The following ADGRL2 variants were observed in gnomAD, a reference collection of about 807,000 sequenced individuals.
ADGRL2 encodes the protein calcium-independent alpha-latrotoxin receptor 2.
A neutral mutation model predicts 157.4 loss-of-function variants in ADGRL2; 44 were observed. The observed-to-expected ratio is 0.28, with a 90% CI of 0.22 to 0.36. The LOEUF (loss-of-function observed/expected upper bound fraction) is 0.36, where lower values mean the gene tolerates loss of function less well. Among genes scored for constraint, ADGRL2 ranks in the 10% least tolerant of loss-of-function variants. The pLI, the probability that ADGRL2 is intolerant of heterozygous loss-of-function variation, is 1.00. For synonymous variants in ADGRL2, 585 were observed against 624.7 expected, an observed-to-expected ratio of 0.94 and a Z score of 0.95; for missense variants, 1,510 against 1,768.9, an observed-to-expected ratio of 0.85 and a Z score of 2.63.
Position 81,420,319 on chromosome 1 carries a change from G to A in ADGRL2, c.-301-24717G>A, listed in dbSNP as rs147523638. ...CTTTTACACTTTAGTTTTCTGAAAG[G>A]CTTGTTTTTGTTTTAAGTAGTTCAT... On this transcript the variant is annotated intron_variant, in intron 1 of 24. Coordinates refer to the ADGRL2 transcript ENST00000370721. Among the ~76,000 whole-genome samples, 4 of 152,180 alleles carry A rather than the reference G, an allele frequency of 2.6e-5. No individual in the cohort carries two copies. The East Asian group carries it at 5.8e-4, about 22-fold the overall frequency.
chr1:81,551,214 C>A (rs1034440365), intron 2 of ADGRL2, among the ~76,000 whole-genome samples: 3 of 152,116 alleles, frequency 2.0e-5, no homozygotes, highest in African/African-American at 4.8e-5. Flanking sequence ...ATGGGGCACA[C>A]AGTAATGTTG....
intron 1 of ADGRL2, among the ~76,000 whole-genome samples, chr1:81,335,094 A>T (rs1465006991): frequency 6.6e-6 from 1 of 152,202 alleles, no homozygotes; most frequent in African/African-American, 2.4e-5. Flanking sequence ...GGTTGTATCT[A>T]TGAAAAAGCC....
At chr1:81,656,222 C>T (rs1391280021) in intron 3 of ADGRL2, among the ~76,000 whole-genome samples, 1 of 152,182 alleles carries the variant, frequency 6.6e-6, no homozygotes, top group African/African-American at 2.4e-5. Flanking sequence ...GGTCCTTGTG[C>T]TCAGCACTTT....
chr1:81,564,412 C>A (rs1447548830), intron 2 of ADGRL2, among the ~76,000 whole-genome samples: 4 of 152,176 alleles, frequency 2.6e-5, no homozygotes, highest in African/African-American at 9.7e-5. Flanking sequence ...CACTCCCAAG[C>A]TTATTCACAT....
intron 1 of ADGRL2, among the ~76,000 whole-genome samples, chr1:81,344,874 T>C (rs1662368766): frequency 6.6e-6 from 1 of 152,052 alleles, no homozygotes; most frequent in Non-Finnish European, 1.5e-5. Flanking sequence ...GTGTTATTCA[T>C]TAAGGTAAAC....
At chr1:81,438,493 T>G (rs1270120077) in intron 1 of ADGRL2, among the ~76,000 whole-genome samples, 1 of 152,186 alleles carries the variant, frequency 6.6e-6, no homozygotes, top group African/African-American at 2.4e-5. Flanking sequence ...CAATATAGAC[T>G]ATCTCTTCCC....
At chr1:81,880,369 C>T (rs1385133122) in intron 2 of ADGRL2, among the ~76,000 whole-genome samples, 1 of 152,146 alleles carries the variant, frequency 6.6e-6, no homozygotes. Flanking sequence ...TAAGTTCTTT[C>T]TTAACTGAGA....
At chr1:81,685,816 C>T (rs776169712) in intron 3 of ADGRL2, among the ~76,000 whole-genome samples, 1 of 152,090 alleles carries the variant, frequency 6.6e-6, no homozygotes, top group Non-Finnish European at 1.5e-5. Flanking sequence ...CCCTTGTATG[C>T]CGATTTTGCT....
chr1:81,485,796 G>A (rs1364364712), intron 2 of ADGRL2, among the ~76,000 whole-genome samples: 1 of 151,958 alleles, frequency 6.6e-6, no homozygotes, highest in Non-Finnish European at 1.5e-5. Flanking sequence ...ACATTGATTA[G>A]CAGTGCAGTC....
intron 3 of ADGRL2, among the ~76,000 whole-genome samples, chr1:81,585,108 G>A (rs2080997275): frequency 6.6e-6 from 1 of 152,136 alleles, no homozygotes; most frequent in Non-Finnish European, 1.5e-5. Context: ...TAAAAGGAAA[G>A]AGCTGTTTTT....
chr1:81,402,257 G>A (rs1013251774), intron 1 of ADGRL2, among the ~76,000 whole-genome samples: 2 of 152,160 alleles, frequency 1.3e-5, no homozygotes, highest in African/African-American at 2.4e-5. Context: ...CACCATGGCT[G>A]GGAAATTGAG....
chr1:81,516,080 A>G (rs2079171169), intron 2 of ADGRL2, among the ~76,000 whole-genome samples: 1 of 152,240 alleles, frequency 6.6e-6, no homozygotes, highest in South Asian at 2.1e-4. Flanking sequence ...TACACTGGTT[A>G]CATAAACAAT....
chr1:81,772,271 A>T (rs1428381825), intron 2 of ADGRL2, among the ~76,000 whole-genome samples: 1 of 150,998 alleles, frequency 6.6e-6, no homozygotes, highest in Non-Finnish European at 1.5e-5. Flanking sequence ...AAAAAAAATT[A>T]TCCTTTAGTG....
intron 2 of ADGRL2, among the ~76,000 whole-genome samples, chr1:81,573,787 A>G (rs2080742969): frequency 6.6e-6 from 1 of 152,118 alleles, no homozygotes; most frequent in African/African-American, 2.4e-5. Context: ...CACATCAGGC[A>G]CCTCATATTT....
chr1:81,391,659 T>A (rs149938055), intron 1 of ADGRL2, among the ~76,000 whole-genome samples: 2 of 118,166 alleles, frequency 1.7e-5, no homozygotes, highest in African/African-American at 6.5e-5. Flanking sequence ...TGCAAATGTC[T>A]GTCTATGGTA....
At chr1:81,741,283 A>T (rs951475902) in intron 1 of ADGRL2, among the ~76,000 whole-genome samples, 6 of 152,044 alleles carry the variant, frequency 3.9e-5, no homozygotes, top group African/African-American at 1.4e-4. Flanking sequence ...TAATTTTATG[A>T]TTTCCTATGA....
chr1:81,760,114 C>T (rs1304294058), intron 1 of ADGRL2, among the ~76,000 whole-genome samples: 3 of 152,068 alleles, frequency 2.0e-5, no homozygotes. Context: ...AAGTCTCATA[C>T]TTGGCCAATA....
intron 1 of ADGRL2, among the ~76,000 whole-genome samples, chr1:81,354,171 A>C (rs1210357089): frequency 1.3e-5 from 2 of 152,162 alleles, no homozygotes; most frequent in African/African-American, 4.8e-5. Flanking sequence ...AGTATTATAT[A>C]TGCATCATTT....
chr1:81,844,048 G>C (rs1425341545), intron 2 of ADGRL2, among the ~76,000 whole-genome samples: 1 of 152,068 alleles, frequency 6.6e-6, no homozygotes, highest in Non-Finnish European at 1.5e-5. Flanking sequence ...ACATTATATT[G>C]CGTGGCTGTT....
Sources: allele counts gnomAD v4.1 joint callset (sites outside exome capture counted in the v4.1 genomes callset), GRCh38; gene constraint gnomAD v4.1.1; transcripts MANE v1.5; gene names NCBI Gene and HGNC (gene_info 2026-07-23, HGNC 2026-07-21).